The following TXNRD2 variants were observed in gnomAD, a reference collection of about 807,000 sequenced individuals.
TXNRD2 encodes thioredoxin reductase 2.
Under a neutral mutation model 70.8 loss-of-function variants are expected in TXNRD2, and 67 were observed. The ratio of observed to expected loss-of-function variants is 0.95; its 90% CI spans 0.78 to 1.16. The LOEUF (loss-of-function observed/expected upper bound fraction) is 1.16, where lower values mean the gene tolerates loss of function less well. TXNRD2 is among the 50% of genes most tolerant of loss of function. The probability of loss-of-function intolerance (pLI) is 0.00; values close to 1 mark genes in which losing one functional copy is unlikely to be tolerated. For synonymous variants in TXNRD2, 301 were observed against 295.8 expected, an observed-to-expected ratio of 1.02 and a Z score of -0.18; for missense variants, 644 against 719.9, an observed-to-expected ratio of 0.89 and a Z score of 1.21.
In TXNRD2 at chr22:19,880,193, G is replaced by A; in HGVS notation, c.1261C>T (p.Gln421Ter). 1 of 1,613,190 alleles carries A rather than the reference G, an allele frequency of 6.2e-7. No individual in the cohort carries two copies. Among genetic ancestry groups the A allele is most frequent in the East Asian group, 2.2e-5 (1 of 44,882 alleles). ...CCAGGCCTCACCTCAACATGCTCCT[G>A]CCCGTGGCGAGCCACTGCCTCCTCC... ...SEEEAVARHG[Q>*]EHVEVYHAHY... Residue 421 changes from glutamine (Q) to a stop codon, truncating the protein, a stop_gained, in exon 14 of 18, where the codon CAG becomes TAG. Coordinates refer to ENST00000400521, the MANE Select transcript of TXNRD2 (RefSeq NM_006440.5). LOFTEE classifies it high-confidence loss of function.
At chr22:19,897,184 G>A (rs1345021038) in intron 10 of TXNRD2, among the ~76,000 whole-genome samples, 6 of 152,188 alleles carry the variant, frequency 3.9e-5, no homozygotes, top group South Asian at 2.1e-4. Flanking sequence ...ATGGCCACAC[G>A]GGTGGAGGGA....
At chr22:19,923,056 A>G (rs1390627161) in intron 2 of TXNRD2, among the ~76,000 whole-genome samples, 1 of 152,060 alleles carries the variant, frequency 6.6e-6, no homozygotes, top group Non-Finnish European at 1.5e-5. Context: ...TAACATCCTC[A>G]CCAAGTGTTC....
chr22:19,912,778 G>A (rs1483639794), intron 7 of TXNRD2, among the ~76,000 whole-genome samples: 3 of 152,254 alleles, frequency 2.0e-5, no homozygotes, highest in South Asian at 2.1e-4. Context: ...GGCCAGACAA[G>A]TCCCACGGCC....
chr22:19,924,301 G>A (rs1385213136), intron 2 of TXNRD2, among the ~76,000 whole-genome samples: 3 of 151,900 alleles, frequency 2.0e-5, no homozygotes, highest in Non-Finnish European at 2.9e-5. Flanking sequence ...AAGCAAACAG[G>A]GCGTTCATCT....
intron 1 of TXNRD2, chr22:19,932,693 C>T (rs945891475): frequency 2.6e-6 from 2 of 762,744 alleles, no homozygotes; most frequent in African/African-American, 3.5e-5. Context: ...GCCCTCAGCC[C>T]CTCTGCAGAC....
chr22:19,937,459 A>G (rs1224238763), intron 1 of TXNRD2, among the ~76,000 whole-genome samples: 2 of 152,204 alleles, frequency 1.3e-5, no homozygotes, highest in Non-Finnish European at 2.9e-5. Flanking sequence ...ATTCTTCTTC[A>G]TATGTTAGCT....
chr22:19,876,645 TTGG>T (rs1335287073), intron 17 of TXNRD2: 1 of 154,894 alleles, frequency 6.5e-6, no homozygotes, highest in African/African-American at 2.4e-5. Flanking sequence ...GAGCCAGGCC[TTGG>T]TGGGAGGCCT....
chr22:19,941,763 C>A lies in TXNRD2; in HGVS notation c.41G>T (p.Arg14Leu), dbSNP rs45593642. The change falls in exon 1 of 18, where the codon CGC becomes CTC. Residue 14 changes from arginine (R) to leucine (L), a missense_variant. Arg to Leu is a moderately radical substitution (Grantham distance 102, BLOSUM62 -2). Around this residue, in one of 3 missense-constraint regions of TXNRD2, gnomAD observed 71 missense variants for 53.6 expected, o/e 1.33. Transcript: ENST00000400521. The part of the protein sequence containing the change: ...MAVALRGLGG[R>L]FRWRTQAVAG... Reference sequence around the variant, plus strand: ...CACGGCCTGCGTCCGCCACCGGAAGCGCCCTCCTAATCCCCGCAGCGCCAC... The same window carrying A: ...CACGGCCTGCGTCCGCCACCGGAAGAGCCCTCCTAATCCCCGCAGCGCCAC... The A allele has an allele frequency of 3.4e-5, 51 of 1,514,344 alleles. No individual in the cohort carries two copies. In the African/African-American group the frequency reaches 6.8e-4, roughly 20 times the overall value. 93.8% of individuals were successfully genotyped at this position (1,514,344 alleles called of 1,614,324 possible).
intron 16 of TXNRD2, 137 bp downstream of exon 16, chr22:19,877,953 G>A: frequency 1.3e-6 from 1 of 773,706 alleles, no homozygotes; most frequent in Non-Finnish European, 2.2e-6. Flanking sequence ...TGAGGGGCCT[G>A]AGGAATCTCT....
At chr22:19,915,967 G>T in intron 5 of TXNRD2, 124 bp from the exon 6 acceptor site, 1 of 841,694 alleles carries the variant, frequency 1.2e-6, no homozygotes, top group Non-Finnish European at 1.9e-6. Flanking sequence ...CTGTGGCTCA[G>T]ATGGACCAAG....
At chr22:19,934,380 CAG>C (rs1941468417) in intron 1 of TXNRD2, among the ~76,000 whole-genome samples, 1 of 45,374 alleles carries the variant, frequency 2.2e-5, no homozygotes, top group African/African-American at 8.3e-5. Flanking sequence ...GACTCTGTCT[CAG>C]AAAAAAAAAA....
chr22:19,883,738 G>A (rs936471778), intron 11 of TXNRD2: 5 of 434,026 alleles, frequency 1.2e-5, no homozygotes, highest in African/African-American at 1.0e-4. Context: ...TGGATCACCT[G>A]AGGTCTGGAG....
intron 2 of TXNRD2, among the ~76,000 whole-genome samples, chr22:19,928,270 C>G (rs1341482093): frequency 7.9e-5 from 12 of 152,312 alleles, no homozygotes; most frequent in Admixed American, 6.5e-5. Context: ...AACACACAGA[C>G]AGACGTTCAC....
At chr22:19,939,658 T>C (rs1318663711) in intron 1 of TXNRD2, among the ~76,000 whole-genome samples, 1 of 152,164 alleles carries the variant, frequency 6.6e-6, no homozygotes, top group Non-Finnish European at 1.5e-5. Flanking sequence ...CATTTAATGT[T>C]ACTATGGGTT....
chr22:19,925,007 A>C (rs538899977), intron 2 of TXNRD2, among the ~76,000 whole-genome samples: 2 of 150,426 alleles, frequency 1.3e-5, no homozygotes. Context: ...GCGGGGGGCC[A>C]GGCATGGTGG....
At chr22:19,899,546 G>A (rs574695671) in intron 8 of TXNRD2, among the ~76,000 whole-genome samples, 20 of 152,382 alleles carry the variant, frequency 1.3e-4, no homozygotes, top group Non-Finnish European at 1.8e-4. Flanking sequence ...ACAGCTAGGC[G>A]CAGGGCCAGG....
At chr22:19,886,140 A>G (rs1939019949) in intron 11 of TXNRD2, among the ~76,000 whole-genome samples, 1 of 152,244 alleles carries the variant, frequency 6.6e-6, no homozygotes, top group Non-Finnish European at 1.5e-5. Flanking sequence ...AAGAAGAGTG[A>G]GTGGCCTGTG....
chr22:19,883,079 G>A (rs1938855282), intron 12 of TXNRD2, among the ~76,000 whole-genome samples: 1 of 152,256 alleles, frequency 6.6e-6, no homozygotes, highest in Non-Finnish European at 1.5e-5. Flanking sequence ...TGCTGCTGGT[G>A]CTTGCAGCTG....
chr22:19,937,824 T>G (rs1345681128), intron 1 of TXNRD2, among the ~76,000 whole-genome samples: 2 of 152,214 alleles, frequency 1.3e-5, no homozygotes, highest in Non-Finnish European at 2.9e-5. Context: ...CCACTCAGTC[T>G]GATATAGATG....
Sources: gnomAD v4.1 joint callset for allele counts (sites outside exome capture counted in the v4.1 genomes callset) on GRCh38, gnomAD v4.1.1 for gene constraint, gnomAD v4.1.1 regional missense constraint, MANE v1.5 for transcripts, NCBI Gene and HGNC (gene_info 2026-07-23, HGNC 2026-07-21) for gene names.